Variants in DNAI7 observed in about 807,000 individuals in gnomAD.
DNAI7 encodes the protein cancer susceptibility 1.
Under a neutral mutation model 86.6 loss-of-function variants are expected in DNAI7, and 78 were observed. The ratio of observed to expected loss-of-function variants is 0.90; its 90% CI spans 0.75 to 1.09. DNAI7 has a LOEUF of 1.09. Ranked by LOEUF, DNAI7 falls within the 50% of genes least tolerant of loss-of-function variation. The pLI, the probability that DNAI7 is intolerant of heterozygous loss-of-function variation, is 0.00. For missense variants in DNAI7, 753 were observed against 810.2 expected (o/e 0.93, Z 0.86); for synonymous variants, 274 against 273.0 (o/e 1.00, Z -0.04).
rs184173808 is a variant in DNAI7, at chr12:25,170,011, G to A, written c.22-8814C>T. ...TGCAAATGGATACCAAAAGCGAGCA[G>A]GGGTAGCTATTCTCACATCAGACAA... On this transcript the variant is annotated intron_variant, in intron 2 of 15. Transcript: ENST00000395987. Among the ~76,000 whole-genome samples, 347 of 152,306 alleles carry A rather than the reference G, an allele frequency of 2.3e-3. 2 individuals carry two copies. Among genetic ancestry groups the A allele is most frequent in the African/African-American group, 7.6e-3 (315 of 41,566 alleles).
chr12:25,152,917 T>C (rs1188765001), intron 6 of DNAI7, among the ~76,000 whole-genome samples: 1 of 152,248 alleles, frequency 6.6e-6, no homozygotes, highest in African/African-American at 2.4e-5. Context: ...TTGAGCTTCC[T>C]GAATGTGAGG....
At chr12:25,147,475 G>GA (rs1945001805) in intron 7 of DNAI7, among the ~76,000 whole-genome samples, 3 of 65,702 alleles carry the variant, frequency 4.6e-5, no homozygotes, top group Admixed American at 4.1e-4. Context: ...AACATAATGA[G>GA]ACCACCCCCA....
chr12:25,156,669 ACGTGGAG>A (rs1356901632), intron 4 of DNAI7, among the ~76,000 whole-genome samples: 3 of 151,836 alleles, frequency 2.0e-5, no homozygotes, highest in Non-Finnish European at 4.4e-5. Flanking sequence ...TGAACCTGGG[ACGTGGAG>A]GTTGCAGTGA....
intron 9 of DNAI7, 74 bp downstream of exon 9, chr12:25,144,291 T>G: frequency 2.3e-6 from 3 of 1,279,916 alleles, no homozygotes; most frequent in Non-Finnish European, 3.3e-6. Context: ...GGAAAAATCT[T>G]GAGAACACTT....
intron 2 of DNAI7, among the ~76,000 whole-genome samples, chr12:25,182,927 AGAAAGGAAT>A (rs771198787): frequency 6.6e-6 from 1 of 151,608 alleles, no homozygotes; most frequent in Non-Finnish European, 1.5e-5. Flanking sequence ...AAGAAAGGAA[AGAAAGGAAT>A]GAAAGGAAGG....
At chr12:25,123,786 A>G (rs535644652) in intron 9 of DNAI7, among the ~76,000 whole-genome samples, 1 of 152,296 alleles carries the variant, frequency 6.6e-6, no homozygotes, top group East Asian at 1.9e-4. Context: ...ATCTGCCACT[A>G]ACTTACCTTT....
intron 9 of DNAI7, among the ~76,000 whole-genome samples, chr12:25,131,165 C>A (rs58179101): frequency 0.027 from 4,025 of 147,352 alleles, 180 homozygotes; most frequent in African/African-American, 0.094. Flanking sequence ...TACCCCCAAC[C>A]AAAAAAAAAA....
chr12:25,179,589 C>G (rs12296187), intron 2 of DNAI7, among the ~76,000 whole-genome samples: 6,370 of 152,008 alleles, frequency 0.042, 445 homozygotes, highest in African/African-American at 0.14. Flanking sequence ...ATTTCCTTGG[C>G]TAATCAAGTC....
At chr12:25,192,361 A>G (rs955602029) in intron 1 of DNAI7, among the ~76,000 whole-genome samples, 3 of 152,188 alleles carry the variant, frequency 2.0e-5, no homozygotes, top group Admixed American at 1.3e-4. Context: ...CATTTCTCCT[A>G]TATGTCATAA....
chr12:25,112,409 T>TG (rs1939058506), intron 13 of DNAI7, among the ~76,000 whole-genome samples: 1 of 141,232 alleles, frequency 7.1e-6, no homozygotes, highest in Middle Eastern at 3.5e-3. Flanking sequence ...GTTTTTTTTT[T>TG]TTTTTTTTTT....
chr12:25,189,971 A>G (rs1950357451), intron 2 of DNAI7, among the ~76,000 whole-genome samples: 1 of 143,122 alleles, frequency 7.0e-6, no homozygotes, highest in African/African-American at 2.6e-5. Flanking sequence ...TTGCATAAAA[A>G]TAGGTTGGCA....
At chr12:25,144,270 C>T in intron 9 of DNAI7, 95 bp downstream of exon 9, 1 of 1,049,254 alleles carries the variant, frequency 9.5e-7, no homozygotes, top group Admixed American at 2.4e-5. Context: ...CAGACAATTT[C>T]CAGTTGTTTA....
At chr12:25,155,231 T>C (rs1181985482) in intron 5 of DNAI7, 80 bp downstream of exon 5, 4 of 653,116 alleles carry the variant, frequency 6.1e-6, no homozygotes, top group Non-Finnish European at 7.7e-6. Flanking sequence ...ATTTAGTTTC[T>C]TTTCTTGGCA....
At chr12:25,109,774 G>T (rs949901280) in intron 15 of DNAI7, among the ~76,000 whole-genome samples, 3 of 152,108 alleles carry the variant, frequency 2.0e-5, no homozygotes, top group Non-Finnish European at 4.4e-5. Flanking sequence ...CACCTCTCAG[G>T]TTCAAGCGAT....
At chr12:25,108,986 CTG>C (rs542931194) in intron 15 of DNAI7, among the ~76,000 whole-genome samples, 163 bp from the exon 16 acceptor site, 8 of 152,204 alleles carry the variant, frequency 5.3e-5, no homozygotes, top group African/African-American at 1.7e-4. Context: ...AACCATCACA[CTG>C]TTTATATTTT....
Position 25,108,290 on chromosome 12 carries a change from ATTGT to A in DNAI7, c.*254_*257del, listed in dbSNP as rs900190588. On this transcript the variant is annotated 3_prime_UTR_variant, in exon 16 of 16. Coordinates refer to ENST00000395987, the MANE Select transcript of DNAI7 (RefSeq NM_018272.5). ...GCTTTTTAAGGAAGAAATATTATAT[ATTGT>A]TTGTTAAAGTTTATTGAAATAAAGA... is the stretch of plus-strand genomic sequence containing the variant. The A allele has an allele frequency of 3.6e-6, 2 of 556,980 alleles. No individual in the cohort carries two copies. Among genetic ancestry groups the A allele is most frequent in the South Asian group, 6.3e-5 (2 of 31,940 alleles). 34.5% of individuals were successfully genotyped at this position (556,980 alleles called of 1,614,324 possible). A position where few individuals can be genotyped will look rare whatever the true frequency, so the allele number is the denominator to read the frequency against.
intron 2 of DNAI7, among the ~76,000 whole-genome samples, chr12:25,173,934 A>AT (rs375245718): frequency 7.0e-6 from 1 of 143,192 alleles, no homozygotes; most frequent in Admixed American, 7.2e-5. Flanking sequence ...TATCATATAT[A>AT]ATCATATATA....
chr12:25,122,754 C>T (rs1941515381), intron 10 of DNAI7, among the ~76,000 whole-genome samples: 1 of 152,110 alleles, frequency 6.6e-6, no homozygotes, highest in Non-Finnish European at 1.5e-5. Flanking sequence ...TGTATGTGTA[C>T]TTGTGAAAGT....
chr12:25,159,131 G>A (rs1040628025), intron 3 of DNAI7, among the ~76,000 whole-genome samples: 1 of 152,186 alleles, frequency 6.6e-6, no homozygotes, highest in Admixed American at 6.5e-5. Flanking sequence ...AAAGACACAT[G>A]ACTCCCAGCC....
Sources: gnomAD v4.1 joint callset for allele counts (sites outside exome capture counted in the v4.1 genomes callset) on GRCh38, gnomAD v4.1.1 for gene constraint, MANE v1.5 for transcripts, NCBI Gene and HGNC (gene_info 2026-07-23, HGNC 2026-07-21) for gene names.